The following RPAP2 variants were observed in gnomAD, a reference collection of about 807,000 sequenced individuals.
RPAP2 encodes the protein putative RNA polymerase II subunit B1 CTD phosphatase RPAP2.
In RPAP2, 52 loss-of-function variants were observed where a neutral mutation model predicts 73.1. The ratio of observed to expected loss-of-function variants is 0.71; its 90% CI spans 0.57 to 0.90. The LOEUF (loss-of-function observed/expected upper bound fraction) is 0.90, where lower values mean the gene tolerates loss of function less well. Ranked by LOEUF, RPAP2 falls within the 40% of genes least tolerant of loss-of-function variation. The probability of loss-of-function intolerance (pLI) is 0.00; values close to 1 mark genes in which losing one functional copy is unlikely to be tolerated. For missense variants in RPAP2, 598 were observed against 701.8 expected (o/e 0.85, Z 1.67); for synonymous variants, 225 against 242.1 (o/e 0.93, Z 0.65).
rs1414665429 is a variant in RPAP2 at position 92,401,564 on chromosome 1, C to G, written c.*14553C>G. On this transcript the variant is annotated 3_prime_UTR_variant, in exon 13 of 13. Transcript: ENST00000610020. ...CCTGGTTAGGACCTTCAGAACAATA[C>G]TGGATATAAGTGGTGAAAGCACATA... 6.6e-6 allele frequency: 1 copy of G among 152,180 alleles called. No homozygotes were observed. Among genetic ancestry groups the G allele is most frequent in the Non-Finnish European group, 1.5e-5 (1 of 68,028 alleles). The allele number at this position is 152,180 out of a possible 1,614,324, so 9.4% of individuals were successfully genotyped here.
At chr1:92,336,478 T>A (rs1653286235) in intron 10 of RPAP2, 51 bp downstream of exon 10, 1 of 1,278,172 alleles carries the variant, frequency 7.8e-7, no homozygotes, top group Admixed American at 1.8e-5. Context: ...ACTTTATTTA[T>A]TGCCTTGCAG....
intron 11 of RPAP2, among the ~76,000 whole-genome samples, chr1:92,373,750 A>AT (rs1655266716): frequency 7.1e-6 from 1 of 141,520 alleles, no homozygotes; most frequent in Non-Finnish European, 1.5e-5. Context: ...AAAAAAAAAA[A>AT]AAAAAAAAAA....
In RPAP2 at chr1:92,388,590, G is replaced by A. The variant is rs1431928835; in HGVS notation, c.*1579G>A. 1 of 152,260 alleles carries A rather than the reference G, an allele frequency of 6.6e-6. No individual in the cohort carries two copies. The highest frequency in any genetic ancestry group is 2.4e-5 in the African/African-American group (1 of 41,450). The allele number at this position is 152,260 out of a possible 1,614,324, so 9.4% of individuals were successfully genotyped here. A position where few individuals can be genotyped will look rare whatever the true frequency, so the allele number is the denominator to read the frequency against. On this transcript the variant is annotated 3_prime_UTR_variant, in exon 13 of 13. Transcript: ENST00000610020. ...ATCGCCTCACCTGGGAAGCGCCAAG[G>A]GGTCGGGGGATTTCCCTTTCCTAGC... is the stretch of plus-strand genomic sequence containing the variant.
chr1:92,361,035 G>A (rs894066200), intron 11 of RPAP2, among the ~76,000 whole-genome samples: 2 of 150,192 alleles, frequency 1.3e-5, no homozygotes, highest in Admixed American at 6.7e-5. Flanking sequence ...CCCACAAGTC[G>A]GTTTTAGGAA....
chr1:92,364,640 T>C (rs1384586621), intron 11 of RPAP2, among the ~76,000 whole-genome samples: 1 of 152,166 alleles, frequency 6.6e-6, no homozygotes, highest in East Asian at 1.9e-4. Flanking sequence ...AGAATTGTGC[T>C]TCTCTTTATC....
At chr1:92,377,678 G>C (rs1655448239) in intron 11 of RPAP2, among the ~76,000 whole-genome samples, 1 of 152,164 alleles carries the variant, frequency 6.6e-6, no homozygotes, top group African/African-American at 2.4e-5. Context: ...GCAGGTCCAA[G>C]CTCATTAAGA....
rs74408327 is a variant in RPAP2 at position 92,300,945 on chromosome 1, A to T, written c.120-531A>T. Among the ~76,000 whole-genome samples, 1,045 of 152,366 alleles carry T rather than the reference A, an allele frequency of 6.9e-3. 7 individuals carry two copies. The highest frequency in any genetic ancestry group is 0.012 in the Non-Finnish European group (798 of 68,030). On this transcript the variant is annotated intron_variant, in intron 2 of 12. Coordinates refer to ENST00000610020, the MANE Select transcript of RPAP2 (RefSeq NM_024813.3). ...AACATAAACAAATACATAATTACAA[A>T]TTGTGATAAGCACTATGAAGGAAAA...
At chr1:92,316,202 C>T (rs1390586929) in intron 6 of RPAP2, among the ~76,000 whole-genome samples, 1 of 152,186 alleles carries the variant, frequency 6.6e-6, no homozygotes, top group Non-Finnish European at 1.5e-5. Context: ...GCGCCATCAT[C>T]TGGTCCAGAG....
rs1283809042 is a variant in RPAP2, at chr1:92,388,651, G to T, written c.*1640G>T. On this transcript the variant is annotated 3_prime_UTR_variant, in exon 13 of 13. Coordinates refer to ENST00000610020, the MANE Select transcript of RPAP2 (RefSeq NM_024813.3). Reference sequence around the variant, plus strand: ...CGTGAGTGACTATACCTGGAGGAGGGGTACACTCCTGCCCAAATACTGCTC... The same window carrying T: ...CGTGAGTGACTATACCTGGAGGAGGTGTACACTCCTGCCCAAATACTGCTC... 1.3e-5 allele frequency: 2 copies of T among 152,174 alleles called. No individual in the cohort carries two copies. The highest frequency in any genetic ancestry group is 6.5e-5 in the Admixed American group (1 of 15,278). The allele number at this position is 152,174 out of a possible 1,614,324, so 9.4% of individuals were successfully genotyped here. A position where few individuals can be genotyped will look rare whatever the true frequency, so the allele number is the denominator to read the frequency against.
In RPAP2 at chr1:92,360,624, G is replaced by A. The variant is rs1015638785; in HGVS notation, c.1688+14710G>A. Among the ~76,000 whole-genome samples, 15 of 152,186 alleles carry A rather than the reference G, an allele frequency of 9.9e-5. No homozygotes were observed. In the East Asian group the frequency reaches 2.7e-3, roughly 27 times the overall value. Reference sequence around the variant, plus strand: ...AGAGACTGGGAATGACATCAAAGGTGTATTTGCCTCTTTTTCTTTCCTAAC... The same window carrying A: ...AGAGACTGGGAATGACATCAAAGGTATATTTGCCTCTTTTTCTTTCCTAAC... On this transcript the variant is annotated intron_variant, in intron 11 of 12. Coordinates refer to ENST00000610020, the MANE Select transcript of RPAP2 (RefSeq NM_024813.3).
intron 11 of RPAP2, among the ~76,000 whole-genome samples, chr1:92,354,501 A>C (rs1000198436): frequency 6.6e-6 from 1 of 152,238 alleles, no homozygotes; most frequent in Non-Finnish European, 1.5e-5. Context: ...GTAATATATC[A>C]CCACAAAGTG....
Position 92,324,295 on chromosome 1 carries a change from T to C in RPAP2, c.1375T>C (p.Leu459=). 6.2e-7 allele frequency: 1 copy of C among 1,613,990 alleles called. No individual in the cohort carries two copies. Among genetic ancestry groups the C allele is most frequent in the Non-Finnish European group, 8.5e-7 (1 of 1,179,980 alleles). The change falls in exon 8 of 13, where the codon TTA becomes CTA. Residue 459 remains leucine, a synonymous_variant. Transcript: ENST00000610020. ...YENLKKETEK[L]NLRIREFYRG... is the part of the protein sequence containing the mutation. ...GAATTTGAAAAAAGAAACTGAAAAGTTAAATCTGAGGATCAGGGAGTTTTA... is the reference window on the plus strand; with the variant it reads ...GAATTTGAAAAAAGAAACTGAAAAGCTAAATCTGAGGATCAGGGAGTTTTA...
At chr1:92,309,572 TATACATATACATACACATAC>T (rs1651462836) in intron 6 of RPAP2, among the ~76,000 whole-genome samples, 1 of 24,482 alleles carries the variant, frequency 4.1e-5, no homozygotes. Flanking sequence ...CACATACACA[TATACATATACATACACATAC>T]ACATACACAT....
intron 10 of RPAP2, among the ~76,000 whole-genome samples, chr1:92,342,997 A>G (rs1653682359): frequency 6.6e-6 from 1 of 152,182 alleles, no homozygotes; most frequent in African/African-American, 2.4e-5. Flanking sequence ...TCCAGACTAG[A>G]GCTAATACAT....
intron 11 of RPAP2, among the ~76,000 whole-genome samples, chr1:92,368,972 C>T (rs1198825730): frequency 6.6e-6 from 1 of 152,172 alleles, no homozygotes; most frequent in Non-Finnish European, 1.5e-5. Flanking sequence ...GCAGTTTCCT[C>T]ATTTGTGATT....
chr1:92,324,730 C>CTG (rs1217369945), intron 8 of RPAP2, among the ~76,000 whole-genome samples: 3 of 151,972 alleles, frequency 2.0e-5, no homozygotes, highest in East Asian at 1.9e-4. Context: ...TACATGGGGT[C>CTG]TGTGTGTGTG....
intron 12 of RPAP2, among the ~76,000 whole-genome samples, chr1:92,386,041 CCA>C (rs1339669337): frequency 1.3e-5 from 2 of 152,190 alleles, no homozygotes; most frequent in Non-Finnish European, 1.5e-5. Context: ...AATCCCCTGC[CCA>C]TAGGCCTTTC....
At chr1:92,375,223 G>A (rs1289886469) in intron 11 of RPAP2, among the ~76,000 whole-genome samples, 1 of 152,030 alleles carries the variant, frequency 6.6e-6, no homozygotes. Flanking sequence ...GACTCCAAAA[G>A]TAGTCCACTA....
At chr1:92,328,376 T>C (rs1236606175) in intron 8 of RPAP2, among the ~76,000 whole-genome samples, 8 of 152,252 alleles carry the variant, frequency 5.3e-5, no homozygotes, top group Admixed American at 2.0e-4. Flanking sequence ...TTTGTTGGAC[T>C]GGGTTAATTC....
Sources: gnomAD v4.1 joint callset for allele counts (sites outside exome capture counted in the v4.1 genomes callset) on GRCh38, gnomAD v4.1.1 for gene constraint, MANE v1.5 for transcripts, NCBI Gene and HGNC (gene_info 2026-07-23, HGNC 2026-07-21) for gene names.